The following CHEK1 variants were observed in gnomAD, a reference collection of about 807,000 sequenced individuals.
CHEK1 encodes the protein serine/threonine-protein kinase Chk1.
Under a neutral mutation model 60.2 loss-of-function variants are expected in CHEK1, and 32 were observed. The observed-to-expected ratio is 0.53, with a 90% CI of 0.40 to 0.71. The LOEUF is 0.71. Ranked by LOEUF, CHEK1 falls within the 30% of genes least tolerant of loss-of-function variation. The pLI is 0.00. For missense variants in CHEK1, 399 were observed against 564.6 expected, an observed-to-expected ratio of 0.71 and a Z score of 2.97; for synonymous variants, 179 against 187.2, an observed-to-expected ratio of 0.96 and a Z score of 0.36.
In CHEK1 at chr11:125,625,999, C is replaced by T; in HGVS notation, c.-34C>T. The T allele has an allele frequency of 1.4e-6, 1 of 701,788 alleles. No individual in the cohort carries two copies. Among genetic ancestry groups the T allele is most frequent in the South Asian group, 1.5e-5 (1 of 67,592 alleles). 43.5% of individuals were successfully genotyped at this position (701,788 alleles called of 1,614,324 possible). ...GCATTTGGATTCCTGCAGTGGTGGG[C>T]AAAGGACAGTCCGGTGAGGAAGGGC... On this transcript the variant is annotated 5_prime_UTR_variant, in exon 1 of 13. Transcript: ENST00000438015.
chr11:125,679,524 T>C (rs890649814), downstream of CHEK1, among the ~76,000 whole-genome samples: 3 of 152,216 alleles, frequency 2.0e-5, no homozygotes, highest in Non-Finnish European at 4.4e-5. Context: ...GGCCAATCCA[T>C]CTCATCATTG....
At chr11:125,657,187 T>TTTTGTGTGTGTGTGTGTG (rs140073080), downstream of CHEK1, 4,479 of 147,184 alleles carry the variant, frequency 0.03, 120 homozygotes, top group African/African-American at 0.06. Flanking sequence ...CAACCTATGC[T>TTTTGTGTGTGTGTGTGTG]TGTGTGTGTG....
chr11:125,673,433 C>T (rs1942312216), intron 13 of CHEK1, among the ~76,000 whole-genome samples: 1 of 151,476 alleles, frequency 6.6e-6, no homozygotes, highest in Admixed American at 6.6e-5. Flanking sequence ...GATCTCCTGA[C>T]CTTGTGATCC....
intron 13 of CHEK1, among the ~76,000 whole-genome samples, chr11:125,663,805 T>G (rs534567501): frequency 1.3e-5 from 2 of 152,260 alleles, no homozygotes; most frequent in African/African-American, 4.8e-5. Context: ...AGTTTTACAT[T>G]TAAGTCTTTA....
At chr11:125,637,706 T>C (rs896443874) in intron 8 of CHEK1, among the ~76,000 whole-genome samples, 162 bp downstream of exon 8, 3 of 152,188 alleles carry the variant, frequency 2.0e-5, no homozygotes, top group African/African-American at 7.2e-5. Context: ...TGTTTATTAA[T>C]AATTATAAAG....
downstream of CHEK1, chr11:125,680,839 A>G: frequency 1.4e-5 from 20 of 1,449,982 alleles, no homozygotes; most frequent in Non-Finnish European, 1.9e-5. Flanking sequence ...CAGAGCTATG[A>G]AGCAAACTGC....
At chr11:125,651,919 A>G (rs145806741) in intron 11 of CHEK1, among the ~76,000 whole-genome samples, 216 of 152,204 alleles carry the variant, frequency 1.4e-3, no homozygotes, top group African/African-American at 5.1e-3. Context: ...TTTCTCTGCC[A>G]TTTTCACTGA....
chr11:125,631,785 C>G (rs950435112), intron 5 of CHEK1, among the ~76,000 whole-genome samples: 1 of 146,414 alleles, frequency 6.8e-6, no homozygotes, highest in Admixed American at 7.0e-5. Flanking sequence ...TCACTTCAGC[C>G]TAGGAGGTCA....
chr11:125,644,289 A>T, intron 10 of CHEK1, 21 bp downstream of exon 10: 1 of 1,592,272 alleles, frequency 6.3e-7, no homozygotes, highest in Non-Finnish European at 8.5e-7. Flanking sequence ...TTAATTTTTT[A>T]AAAGTAATGG....
At chr11:125,676,542 A>C, downstream of CHEK1, 1 of 1,599,000 alleles carries the variant, frequency 6.3e-7, no homozygotes, top group Non-Finnish European at 8.6e-7. Flanking sequence ...CTTGATTCAC[A>C]TCTGGGAGGG....
At chr11:125,668,492 T>TG (rs1311181023) in intron 13 of CHEK1, among the ~76,000 whole-genome samples, 2 of 152,172 alleles carry the variant, frequency 1.3e-5, no homozygotes, top group East Asian at 1.9e-4. Flanking sequence ...ACCTAATTGT[T>TG]GGGGGTTTTT....
At chr11:125,667,859 G>A (rs1373627230) in intron 13 of CHEK1, among the ~76,000 whole-genome samples, 1 of 152,130 alleles carries the variant, frequency 6.6e-6, no homozygotes, top group Non-Finnish European at 1.5e-5. Context: ...GACCTCAAAT[G>A]ATCCACCCAC....
chr11:125,644,487 C>T, intron 10 of CHEK1, 25 bp from the exon 11 acceptor site: 1 of 1,608,738 alleles, frequency 6.2e-7, no homozygotes, highest in Non-Finnish European at 8.5e-7. Context: ...TGGATTTATT[C>T]ATTTGTCTTC....
In CHEK1 at chr11:125,665,383, A is replaced by G. The variant is rs564919259; in HGVS notation, c.*27+10036A>G. Among the ~76,000 whole-genome samples, 11 of 152,070 alleles carry G rather than the reference A, an allele frequency of 7.2e-5. No homozygotes were observed. The East Asian group carries it at 1.9e-3, about 27-fold the overall frequency. ...ATGTGTTTTTTGGATTCTGTTTTGTAGTATTTTGTTGACGGTTTTTGCATC... is the reference window on the plus strand; with the variant it reads ...ATGTGTTTTTTGGATTCTGTTTTGTGGTATTTTGTTGACGGTTTTTGCATC... On this transcript the variant is annotated intron_variant, in intron 13 of 13. Transcript: ENST00000428830.
rs1441734268 is a variant in CHEK1 at position 125,644,171 on chromosome 11, T to C, written c.1004T>C (p.Ile335Thr). Residue 335 changes from isoleucine to threonine, a missense_variant, in exon 10 of 13, where the codon ATT becomes ACT. By Grantham distance (89) the Ile-to-Thr change is moderately conservative. This residue lies in a region of CHEK1 where 370 missense variants were observed against 494.8 expected (regional missense o/e 0.75). Transcript: ENST00000438015. The part of the protein sequence containing the change: ...LSLWDTSPSY[I>T]DKLVQGISFS... ...TTATGGGATACCAGCCCCTCATACA[T>C]TGATAAATTGGTACAAGGGATCAGC... 1.2e-6 allele frequency: 2 copies of C among 1,614,016 alleles called. No individual in the cohort carries two copies. The highest frequency in any genetic ancestry group is 3.3e-5 in the Admixed American group (2 of 59,996).
downstream of CHEK1, among the ~76,000 whole-genome samples, chr11:125,678,740 G>C (rs1591439725): frequency 6.6e-6 from 1 of 151,890 alleles, no homozygotes; most frequent in Non-Finnish European, 1.5e-5. Flanking sequence ...GAGGGAGAGA[G>C]AAAGCAAGTA....
rs3731455 is a variant in CHEK1 at position 125,645,672 on chromosome 11, C to A, written c.1233+1029C>A. On this transcript the variant is annotated intron_variant, in intron 11 of 12. Transcript: ENST00000438015. Reference sequence around the variant, plus strand: ...TGGTTTGTAGGAGAATGCCCTTGTTCAAAGGAGAACAAGTGTCAAAGCAAA... The same window carrying A: ...TGGTTTGTAGGAGAATGCCCTTGTTAAAAGGAGAACAAGTGTCAAAGCAAA... Among the ~76,000 whole-genome samples the A allele has an allele frequency of 3.3e-4, 50 of 152,050 alleles. No homozygotes were observed. The South Asian group carries it at 0.01, about 32-fold the overall frequency.
In CHEK1 at chr11:125,674,955, C is replaced by G. The variant is rs1014385563; in HGVS notation, c.*28-973C>G. ...CTCTTTTTCCTATTTACATCCTGCA[C>G]TTTTCTGACTTTTGCTTTCATTCCC... On this transcript the variant is annotated intron_variant, in intron 13 of 13. Coordinates refer to the CHEK1 transcript ENST00000428830. Among the ~76,000 whole-genome samples, 4 of 152,302 alleles carry G rather than the reference C, an allele frequency of 2.6e-5. No homozygotes were observed. The South Asian group carries it at 8.3e-4, about 32-fold the overall frequency.
intron 11 of CHEK1, among the ~76,000 whole-genome samples, chr11:125,646,627 C>T (rs1241590839): frequency 6.6e-6 from 1 of 152,160 alleles, no homozygotes; most frequent in Non-Finnish European, 1.5e-5. Flanking sequence ...TACAACCTTG[C>T]CAACACTTAC....
Sources: gnomAD v4.1 joint callset for allele counts (sites outside exome capture counted in the v4.1 genomes callset) on GRCh38, gnomAD v4.1.1 for gene constraint, gnomAD v4.1.1 regional missense constraint, MANE v1.5 for transcripts, NCBI Gene and HGNC (gene_info 2026-07-23, HGNC 2026-07-21) for gene names.